SLC2A14: variants seen among roughly 807,000 people sequenced by gnomAD.
SLC2A14 encodes solute carrier family 2 member 14, also known as solute carrier family 2, facilitated glucose transporter member 14.
Under a neutral mutation model 43.0 loss-of-function variants are expected in SLC2A14, and 13 were observed. That is an observed-to-expected ratio of 0.30 (90% CI 0.20 to 0.48). The LOEUF (loss-of-function observed/expected upper bound fraction) is 0.48. Among genes scored for constraint, SLC2A14 ranks in the 20% least tolerant of loss-of-function variants. The probability of loss-of-function intolerance (pLI) is 0.99; values close to 1 mark genes in which losing one functional copy is unlikely to be tolerated. For synonymous variants in SLC2A14, 190 were observed against 233.8 expected (o/e 0.81, Z 1.71); for missense variants, 428 against 620.4 (o/e 0.69, Z 3.29).
At chr12:7,826,854 CTTTCTTTTTTCTTTCT>C (rs1565507342) in intron 7 of SLC2A14, among the ~76,000 whole-genome samples, 2 of 8,236 alleles carry the variant, frequency 2.4e-4, no homozygotes, top group Non-Finnish European at 4.8e-4. Context: ...TCCTTCCTTC[CTTTCTTTTTTCTTTCT>C]TTCTTTCTTT....
chr12:7,852,515 G>A (rs775082385), intron 2 of SLC2A14, among the ~76,000 whole-genome samples: 3 of 152,150 alleles, frequency 2.0e-5, no homozygotes, highest in African/African-American at 7.2e-5. Context: ...TTCCCATAAA[G>A]TTAATAAAAT....
chr12:7,863,026 C>T (rs974266871), intron 2 of SLC2A14, among the ~76,000 whole-genome samples: 1 of 152,152 alleles, frequency 6.6e-6, no homozygotes, highest in African/African-American at 2.4e-5. Context: ...TGGCAACCAG[C>T]TTGGGTGTCC....
chr12:7,824,643 G>A (rs1044960602), intron 7 of SLC2A14, among the ~76,000 whole-genome samples: 8 of 145,662 alleles, frequency 5.5e-5, no homozygotes, highest in Non-Finnish European at 8.9e-5. Context: ...TGAGGCAGGA[G>A]AATCACTTGA....
rs756918734 is a variant in SLC2A14, at chr12:7,828,708, C to T, written c.672G>A (p.Thr224=). The part of the protein sequence containing the change: ...LINRKKEENA[T]RILQRLWGTQ... ...TAAAGAGTGAAAGATACTCACTCCG[C>T]GTAGCATTCTCCTCTTTTTTTCTGT... Residue 224 remains threonine (T), a synonymous_variant, in exon 6 of 11, where the codon ACG becomes ACA. Coordinates refer to ENST00000431042, the MANE Select transcript of SLC2A14 (RefSeq NM_001286234.2). 24 of 1,613,892 alleles carry T rather than the reference C, an allele frequency of 1.5e-5. No homozygotes were observed. The Middle Eastern group carries it at 6.6e-4, about 44-fold the overall frequency.
chr12:7,881,799 T>A (rs1260463255), intron 1 of SLC2A14, among the ~76,000 whole-genome samples: 1 of 152,132 alleles, frequency 6.6e-6, no homozygotes, highest in Non-Finnish European at 1.5e-5. Flanking sequence ...AATACACCAA[T>A]CGGCACTCTG....
intron 2 of SLC2A14, 23 bp from the exon 3 acceptor site, chr12:7,832,837 G>T (rs767444013): frequency 1.2e-6 from 2 of 1,607,406 alleles, no homozygotes; most frequent in Non-Finnish European, 1.7e-6. Context: ...AGGACAGGGA[G>T]GAGAGAATAG....
intron 1 of SLC2A14, among the ~76,000 whole-genome samples, chr12:7,885,183 A>C (rs190538022): frequency 2.0e-5 from 3 of 152,318 alleles, no homozygotes; most frequent in Non-Finnish European, 2.9e-5. Context: ...AATAATAACT[A>C]AAAAGAGCCA....
chr12:7,823,674 C>T (rs758042531), intron 7 of SLC2A14, among the ~76,000 whole-genome samples: 1 of 151,678 alleles, frequency 6.6e-6, no homozygotes, highest in African/African-American at 2.4e-5. Flanking sequence ...GAGCCGAGAT[C>T]GCACCAGTGC....
At chr12:7,832,400 GGT>G (rs1865115789) in intron 3 of SLC2A14, among the ~76,000 whole-genome samples, 2 of 152,060 alleles carry the variant, frequency 1.3e-5, no homozygotes. Context: ...CACTGCCCAG[GGT>G]ATAAGGAGTA....
intron 2 of SLC2A14, among the ~76,000 whole-genome samples, chr12:7,865,735 G>A (rs1944872018): frequency 6.6e-6 from 1 of 152,034 alleles, no homozygotes; most frequent in African/African-American, 2.4e-5. Context: ...AAGAATTCAA[G>A]TGAAAGAGTC....
chr12:7,828,899 C>T (rs762624324), intron 5 of SLC2A14, 33 bp from the exon 6 acceptor site: 7 of 1,601,306 alleles, frequency 4.4e-6, no homozygotes, highest in Non-Finnish European at 6.0e-6. Flanking sequence ...GCTATAAACC[C>T]CATACTTCAC....
chr12:7,886,131 G>C (rs983233651), intron 1 of SLC2A14, among the ~76,000 whole-genome samples: 12 of 129,450 alleles, frequency 9.3e-5, no homozygotes, highest in Non-Finnish European at 1.9e-4. Flanking sequence ...TTACAGGCAT[G>C]TACCACCACG....
Position 7,826,867 on chromosome 12 carries a change from TTC to T in SLC2A14, c.864+626_864+627del, listed in dbSNP as rs1491565275. Among the ~76,000 whole-genome samples, 2 of 32,530 alleles carry T rather than the reference TTC, an allele frequency of 6.1e-5. 1 individual carries two copies. Among genetic ancestry groups the T allele is most frequent in the Non-Finnish European group, 1.2e-4 (2 of 16,938 alleles). 21.3% of individuals were successfully genotyped at this position (32,530 alleles called of 152,430 possible). On this transcript the variant is annotated intron_variant, in intron 7 of 10. Transcript: ENST00000431042. ...CTTCCTTCCTTCCTTTCTTTTTTCT[TTC>T]TTTCTTTCTTTCTTTCTTTCTTTCT...
intron 1 of SLC2A14, 124 bp downstream of exon 1, chr12:7,872,680 CTCT>C (rs1418263397): frequency 2.7e-6 from 2 of 750,796 alleles, no homozygotes; most frequent in African/African-American, 3.8e-5. Flanking sequence ...AGCCGCAGCT[CTCT>C]TCTTTCTTAG....
Position 7,814,536 on chromosome 12 carries a change from T to C in SLC2A14, c.1276-2A>G, listed in dbSNP as rs993903468. 2.5e-6 allele frequency: 4 copies of C among 1,609,558 alleles called. No homozygotes were observed. Among genetic ancestry groups the C allele is most frequent in the African/African-American group, 1.3e-5 (1 of 74,614 alleles). On this transcript the variant is annotated splice_acceptor_variant, in intron 10 of 10. Coordinates refer to ENST00000431042, the MANE Select transcript of SLC2A14 (RefSeq NM_001286234.2). LOFTEE classifies it high-confidence loss of function. ...AAAAACGTAGGCTCCTAAATAGTAC[T>C]AGTGAAAGGACAGAAAAAAGGAAGG...
intron 2 of SLC2A14, among the ~76,000 whole-genome samples, chr12:7,862,418 C>T (rs1314295986): frequency 6.6e-6 from 1 of 152,158 alleles, no homozygotes; most frequent in Non-Finnish European, 1.5e-5. Context: ...TAGCTGCCTT[C>T]CCACGGGGCA....
At chr12:7,845,351 C>A (rs1866372851) in intron 2 of SLC2A14, among the ~76,000 whole-genome samples, 1 of 152,120 alleles carries the variant, frequency 6.6e-6, no homozygotes, top group East Asian at 1.9e-4. Flanking sequence ...AATCAAGGAA[C>A]AATAAAATAA....
At chr12:7,855,700 C>T (rs1281407011) in intron 2 of SLC2A14, among the ~76,000 whole-genome samples, 1 of 85,344 alleles carries the variant, frequency 1.2e-5, no homozygotes, top group Admixed American at 1.0e-4. Context: ...TGCAGTTGCA[C>T]GGCTTCAGCT....
At chr12:7,856,632 G>A (rs1039086641) in intron 2 of SLC2A14, among the ~76,000 whole-genome samples, 6 of 152,046 alleles carry the variant, frequency 3.9e-5, no homozygotes, top group Non-Finnish European at 8.8e-5. Context: ...CACTATTGAC[G>A]GCATCGATGG....
Sources: allele counts gnomAD v4.1 joint callset (sites outside exome capture counted in the v4.1 genomes callset), GRCh38; gene constraint gnomAD v4.1.1; transcripts MANE v1.5; gene names NCBI Gene and HGNC (gene_info 2026-07-23, HGNC 2026-07-21).